The following EVC2 variants were observed in gnomAD, a reference collection of about 807,000 sequenced individuals.
The protein encoded by EVC2 is EvC ciliary complex subunit 2, also known as limbin.
A neutral mutation model predicts 149.3 loss-of-function variants in EVC2; 148 were observed. That is an observed-to-expected ratio of 0.99 (90% CI 0.87 to 1.14). The LOEUF is 1.14. Ranked by LOEUF, EVC2 falls within the 50% of genes most tolerant of loss-of-function variation. The probability of loss-of-function intolerance (pLI) is 0.00; values close to 1 mark genes in which losing one functional copy is unlikely to be tolerated. For missense variants in EVC2, 1,854 were observed against 1,627.3 expected (o/e 1.14, Z -2.40); for synonymous variants, 776 against 649.9 (o/e 1.19, Z -2.95).
rs373953980 is a variant in EVC2 at position 5,622,559 on chromosome 4, G to A, written c.2479C>T (p.Arg827Cys). 7.2e-5 allele frequency: 117 copies of A among 1,613,914 alleles called. 3 individuals are homozygous for A. Among genetic ancestry groups the A allele is most frequent in the Admixed American group, 3.5e-4 (21 of 60,008 alleles). The change falls in exon 14 of 22, where the codon CGC (arginine) becomes TGC (cysteine). Residue 827 changes from arginine to cysteine, a missense_variant. Physicochemically the swap from Arg to Cys is radical, Grantham distance 180. Coordinates refer to ENST00000344408, the MANE Select transcript of EVC2 (RefSeq NM_147127.5). This position sits in a 1 kb window ranked among gnomAD's most constrained non-coding sequence, Gnocchi z 5.8. Reference sequence around the variant, plus strand: ...CACATGAAGATCAGGTGCTCCCAGCGTCGCAGCTCTGCCTGCTCCTCTGTC... The same window carrying A: ...CACATGAAGATCAGGTGCTCCCAGCATCGCAGCTCTGCCTGCTCCTCTGTC... ...AVTEEQAELR[R>C]WEHLIFMKLC...
rs1295041350 is a variant in EVC2 at position 5,677,963 on chromosome 4, C to A, written c.870+3297G>T. Among the ~76,000 whole-genome samples the A allele has an allele frequency of 6.6e-6, 1 of 152,208 alleles. No individual in the cohort carries two copies. Among genetic ancestry groups the A allele is most frequent in the African/African-American group, 2.4e-5 (1 of 41,458 alleles). On this transcript the variant is annotated intron_variant, in intron 7 of 21. Coordinates refer to ENST00000344408, the MANE Select transcript of EVC2 (RefSeq NM_147127.5). The surrounding 1 kb of genome is among the most constrained non-coding windows in gnomAD (Gnocchi z 4.3). ...TCTGGGAGGCGGTGTGGTCCAGTGC[C>A]TGACAGCAGGGCTCTGGAGCCAAAC...
rs993880416 is a variant in EVC2, at chr4:5,686,551, G to A, written c.707-1072C>T. Among the ~76,000 whole-genome samples, 6 of 152,110 alleles carry A rather than the reference G, an allele frequency of 3.9e-5. No individual in the cohort carries two copies. The highest frequency in any genetic ancestry group is 7.3e-5 in the Non-Finnish European group (5 of 68,034). On this transcript the variant is annotated intron_variant, in intron 5 of 21. Transcript: ENST00000344408. The surrounding 1 kb of genome is among the most constrained non-coding windows in gnomAD (Gnocchi z 5.4). Reference sequence around the variant, plus strand: ...CTGCCCCGAGATGGATGGAGAACACGTGATTTTCTGCAACATACAGAAGAA... The same window carrying A: ...CTGCCCCGAGATGGATGGAGAACACATGATTTTCTGCAACATACAGAAGAA...
intron 7 of EVC2, among the ~76,000 whole-genome samples, chr4:5,680,582 G>C (rs1167111007): frequency 1.1e-4 from 16 of 152,120 alleles, no homozygotes; most frequent in African/African-American, 3.9e-4. Context: ...GTGGGTGTTG[G>C]GGACCCTGAC....
intron 21 of EVC2, among the ~76,000 whole-genome samples, chr4:5,564,701 T>A (rs918978808): frequency 6.6e-6 from 1 of 152,208 alleles, no homozygotes. Context: ...TTGCAGCAAT[T>A]TGAGACCACT....
rs1444371934 is a variant in EVC2 at position 5,657,289 on chromosome 4, G to A, written c.1145+5818C>T. Among the ~76,000 whole-genome samples, 1 of 152,080 alleles carries A rather than the reference G, an allele frequency of 6.6e-6. No homozygotes were observed. Among genetic ancestry groups the A allele is most frequent in the Non-Finnish European group, 1.5e-5 (1 of 68,020 alleles). On this transcript the variant is annotated intron_variant, in intron 9 of 21. Transcript: ENST00000344408. This position sits in a 1 kb window ranked among gnomAD's most constrained non-coding sequence, Gnocchi z 4.7. ...CCTTGAACTTCATTGAGAAGCATCT[G>A]ACAGGTTCATCCCATGTTCCCTCCC...
intron 7 of EVC2, among the ~76,000 whole-genome samples, chr4:5,671,315 A>G (rs1262022571): frequency 6.6e-6 from 1 of 152,068 alleles, no homozygotes; most frequent in Non-Finnish European, 1.5e-5. Flanking sequence ...TCGAGCCATC[A>G]AGGGTTTGTG....
chr4:5,611,774 C>G (rs1038943602), intron 16 of EVC2, among the ~76,000 whole-genome samples: 2 of 152,026 alleles, frequency 1.3e-5, no homozygotes, highest in Non-Finnish European at 2.9e-5. Flanking sequence ...GATAAGTAAT[C>G]TGAAACTTAA....
chr4:5,695,815 G>T (rs1285570212), intron 2 of EVC2, among the ~76,000 whole-genome samples: 1 of 151,944 alleles, frequency 6.6e-6, no homozygotes, highest in Non-Finnish European at 1.5e-5. Flanking sequence ...GCATATTGAT[G>T]GTAAAGACTA....
intron 17 of EVC2, 117 bp downstream of exon 17, chr4:5,584,506 C>A (rs1044930547): frequency 1.0e-5 from 11 of 1,074,852 alleles, no homozygotes; most frequent in Admixed American, 2.0e-5. Context: ...ATCCTCACCA[C>A]AACCCCACAG....
At chr4:5,539,822 G>C (rs768727718), downstream of EVC2, among the ~76,000 whole-genome samples, 1 of 150,248 alleles carries the variant, frequency 6.7e-6, no homozygotes, top group Non-Finnish European at 1.5e-5. Context: ...ACCTTGAGTT[G>C]AGCAAATATT....
chr4:5,708,832 G>C (rs1296735271), upstream of EVC2: 1 of 265,314 alleles, frequency 3.8e-6, no homozygotes, highest in Non-Finnish European at 7.0e-6. Flanking sequence ...CGCCTACCTG[G>C]GTCTGTAAGC....
intron 21 of EVC2, among the ~76,000 whole-genome samples, chr4:5,548,580 A>G (rs1721668104): frequency 6.6e-6 from 1 of 152,032 alleles, no homozygotes; most frequent in Non-Finnish European, 1.5e-5. Context: ...TCTGCAGAAA[A>G]TTTACCCAAT....
At chr4:5,538,168 C>A (rs1560113895), downstream of EVC2, among the ~76,000 whole-genome samples, 1 of 151,474 alleles carries the variant, frequency 6.6e-6, no homozygotes, top group East Asian at 1.9e-4. Context: ...ACTATAGATT[C>A]CACAGAAATT....
At chr4:5,697,956 T>C (rs1028991930) in intron 1 of EVC2, among the ~76,000 whole-genome samples, 4 of 152,114 alleles carry the variant, frequency 2.6e-5, no homozygotes, top group Admixed American at 6.5e-5. Flanking sequence ...TTTCACCATA[T>C]TAGTCAGGAT....
chr4:5,616,585 C>A (rs1159760524), intron 15 of EVC2, among the ~76,000 whole-genome samples: 2 of 152,216 alleles, frequency 1.3e-5, no homozygotes, highest in Non-Finnish European at 2.9e-5. Flanking sequence ...GCCCCGTATA[C>A]CCTCATTACA....
chr4:5,556,307 A>G (rs1298009005), intron 21 of EVC2, among the ~76,000 whole-genome samples: 1 of 152,044 alleles, frequency 6.6e-6, no homozygotes. Flanking sequence ...ATATAGCGTA[A>G]TATATTCAGA....
chr4:5,664,159 C>T (rs1719100445), intron 8 of EVC2, among the ~76,000 whole-genome samples: 2 of 152,058 alleles, frequency 1.3e-5, no homozygotes, highest in African/African-American at 2.4e-5. Context: ...GTGTTGGTGC[C>T]CCCATTTTAC....
At chr4:5,706,485 T>C (rs1024070721) in intron 1 of EVC2, among the ~76,000 whole-genome samples, 4 of 125,036 alleles carry the variant, frequency 3.2e-5, no homozygotes, top group African/African-American at 1.2e-4. Flanking sequence ...TAGATAATAT[T>C]GAATGAATGG....
Position 5,569,470 on chromosome 4 carries a change from C to T in EVC2, c.3361-830G>A, listed in dbSNP as rs1465205034. Among the ~76,000 whole-genome samples, 2 of 152,188 alleles carry T rather than the reference C, an allele frequency of 1.3e-5. No individual in the cohort carries two copies. The highest frequency in any genetic ancestry group is 2.9e-5 in the Non-Finnish European group (2 of 68,048). ...CTGAAACTCTATACTAGCTTTGTAA[C>T]TTCTTGTGAATCTAAAATAACTTCA... On this transcript the variant is annotated intron_variant, in intron 19 of 21. Coordinates refer to ENST00000344408, the MANE Select transcript of EVC2 (RefSeq NM_147127.5). This position sits in a 1 kb window ranked among gnomAD's most constrained non-coding sequence, Gnocchi z 4.8.
Sources: allele counts gnomAD v4.1 joint callset (sites outside exome capture counted in the v4.1 genomes callset), GRCh38; gene constraint gnomAD v4.1.1; non-coding constraint Gnocchi (gnomAD v3.1); transcripts MANE v1.5; gene names NCBI Gene and HGNC (gene_info 2026-07-23, HGNC 2026-07-21).